PDE1A: variants seen among roughly 807,000 people sequenced by gnomAD.
The protein encoded by PDE1A is phosphodiesterase 1A.
In PDE1A, 35 loss-of-function variants were observed where a neutral mutation model predicts 61.7. That is an observed-to-expected ratio of 0.57 (90% CI 0.43 to 0.75). The LOEUF is 0.75. PDE1A is among the 30% of genes least tolerant of loss of function. The pLI is 0.00. For missense variants in PDE1A, 597 were observed against 630.6 expected, an observed-to-expected ratio of 0.95 and a Z score of 0.57; for synonymous variants, 232 against 213.2, an observed-to-expected ratio of 1.09 and a Z score of -0.77.
intron 1 of PDE1A, among the ~76,000 whole-genome samples, chr2:182,351,521 T>C (rs1031838916): frequency 1.3e-5 from 2 of 152,182 alleles, no homozygotes; most frequent in Non-Finnish European, 2.9e-5. Flanking sequence ...GTATCAACAC[T>C]GAAGAAAACA....
At chr2:182,447,682 T>A (rs957715643) in intron 2 of PDE1A, among the ~76,000 whole-genome samples, 3 of 152,066 alleles carry the variant, frequency 2.0e-5, no homozygotes, top group Non-Finnish European at 4.4e-5. Context: ...TGAACAACCA[T>A]AAATCTATCT....
At chr2:182,253,069 C>A (rs1378602876) in intron 2 of PDE1A, among the ~76,000 whole-genome samples, 1 of 152,100 alleles carries the variant, frequency 6.6e-6, no homozygotes, top group Non-Finnish European at 1.5e-5. Context: ...GGAAACTTAA[C>A]CTATTACCTC....
At chr2:182,544,253 G>A in the PDE1A span, among the ~76,000 whole-genome samples, 4 of 152,154 alleles carry the variant, frequency 2.6e-5, no homozygotes, top group African/African-American at 9.7e-5. Context: ...TTAAAGCAGG[G>A]CAACTTGCTC....
intron 2 of PDE1A, among the ~76,000 whole-genome samples, chr2:182,503,040 T>TACACACACACACACAC (rs35067674): frequency 9.3e-5 from 9 of 96,926 alleles, no homozygotes; most frequent in African/African-American, 2.9e-4. Flanking sequence ...CATTCTTTCT[T>TACACACACACACACAC]ACACACACAC....
intron 2 of PDE1A, among the ~76,000 whole-genome samples, chr2:182,255,235 C>T (rs970982475): frequency 2.0e-5 from 3 of 152,144 alleles, no homozygotes; most frequent in Admixed American, 6.5e-5. Flanking sequence ...GCCATGAAAG[C>T]CAATAAGTTA....
the PDE1A span, among the ~76,000 whole-genome samples, chr2:182,642,463 G>T: frequency 2.6e-5 from 4 of 151,938 alleles, no homozygotes; most frequent in African/African-American, 9.7e-5. Context: ...TAAACCTGAG[G>T]ACTCTGAATT....
intron 1 of PDE1A, among the ~76,000 whole-genome samples, chr2:182,280,012 G>T (rs1264106717): frequency 6.6e-6 from 1 of 151,704 alleles, no homozygotes; most frequent in East Asian, 1.9e-4. Flanking sequence ...CTTACCCTAA[G>T]TTACCAAAAA....
chr2:182,553,863 G>A, the PDE1A span, among the ~76,000 whole-genome samples: 149 of 152,318 alleles, frequency 9.8e-4, no homozygotes, highest in East Asian at 1.4e-3. Context: ...AACAGATTTA[G>A]GGGCTATAAA....
At chr2:182,147,386 G>T (rs1042751157) in intron 13 of PDE1A, among the ~76,000 whole-genome samples, 4 of 152,048 alleles carry the variant, frequency 2.6e-5, no homozygotes, top group Admixed American at 6.5e-5. Flanking sequence ...GATTTAATAT[G>T]AAAATACAGA....
chr2:182,626,912 T>C, the PDE1A span, among the ~76,000 whole-genome samples: 56 of 78,490 alleles, frequency 7.1e-4, no homozygotes, highest in South Asian at 1.9e-3. Context: ...TATATATACC[T>C]TTAGACTGTA....
the PDE1A span, among the ~76,000 whole-genome samples, chr2:182,571,639 A>C: frequency 1.3e-5 from 2 of 152,054 alleles, no homozygotes; most frequent in South Asian, 4.1e-4. Flanking sequence ...TAGGATGCTA[A>C]CTACTAAATT....
chr2:182,515,009 T>C (rs1426558325), intron 2 of PDE1A, among the ~76,000 whole-genome samples: 1 of 152,200 alleles, frequency 6.6e-6, no homozygotes, highest in African/African-American at 2.4e-5. Context: ...AGCTGATATT[T>C]TGATTTTCAT....
At chr2:182,613,789 GC>G in the PDE1A span, among the ~76,000 whole-genome samples, 2 of 152,132 alleles carry the variant, frequency 1.3e-5, no homozygotes, top group Non-Finnish European at 2.9e-5. Flanking sequence ...CGAACTGTTT[GC>G]CAAGGTATTC....
chr2:182,470,125 C>G (rs1686933989), intron 2 of PDE1A, among the ~76,000 whole-genome samples: 2 of 151,876 alleles, frequency 1.3e-5, no homozygotes, highest in African/African-American at 4.8e-5. Flanking sequence ...ACTTGGTCAA[C>G]AGAGGGTTCC....
chr2:182,455,032 T>G (rs1685808528), intron 2 of PDE1A, among the ~76,000 whole-genome samples: 1 of 151,838 alleles, frequency 6.6e-6, no homozygotes, highest in African/African-American at 2.4e-5. Context: ...ATATCCAGAA[T>G]CTACAATGAA....
chr2:182,228,396 T>C (rs539997123), intron 6 of PDE1A, among the ~76,000 whole-genome samples: 4 of 152,204 alleles, frequency 2.6e-5, no homozygotes, highest in Admixed American at 2.6e-4. Context: ...GCTTCATAAA[T>C]GTCACACTGA....
downstream of PDE1A, among the ~76,000 whole-genome samples, chr2:182,164,304 C>A (rs542476033): frequency 2.4e-4 from 36 of 152,152 alleles, no homozygotes; most frequent in African/African-American, 8.7e-4. Context: ...ATGGGGAGTT[C>A]CCTACAATCA....
intron 2 of PDE1A, among the ~76,000 whole-genome samples, chr2:182,473,366 C>T (rs968696592): frequency 9.2e-5 from 14 of 151,786 alleles, no homozygotes; most frequent in East Asian, 3.9e-4. Flanking sequence ...AGAAAATTTT[C>T]GCAACCCACT....
At chr2:182,618,795 C>G in the PDE1A span, among the ~76,000 whole-genome samples, 2 of 152,078 alleles carry the variant, frequency 1.3e-5, no homozygotes, top group African/African-American at 2.4e-5. Flanking sequence ...GAGGCAGAGA[C>G]TTTTATCTTT....
Sources: allele counts gnomAD v4.1 joint callset (sites outside exome capture counted in the v4.1 genomes callset), GRCh38; gene constraint gnomAD v4.1.1; transcripts MANE v1.5; gene names NCBI Gene and HGNC (gene_info 2026-07-23, HGNC 2026-07-21).